Variants in SIL1 observed in about 807,000 individuals in gnomAD.
SIL1 encodes nucleotide exchange factor SIL1.
A neutral mutation model predicts 49.1 loss-of-function variants in SIL1; 40 were observed. That is an observed-to-expected ratio of 0.81 (90% CI 0.63 to 1.06). SIL1 has a LOEUF of 1.06. Ranked by LOEUF, SIL1 falls within the 50% of genes least tolerant of loss-of-function variation. The pLI, the probability that SIL1 is intolerant of heterozygous loss-of-function variation, is 0.00. For missense variants in SIL1, 500 were observed against 572.6 expected (o/e 0.87, Z 1.29); for synonymous variants, 253 against 250.8 (o/e 1.01, Z -0.08).
intron 1 of SIL1, among the ~76,000 whole-genome samples, chr5:139,184,922 A>T (rs1457889049): frequency 2.0e-5 from 3 of 152,236 alleles, no homozygotes; most frequent in African/African-American, 7.2e-5. Flanking sequence ...TAAAGTGAGG[A>T]CAGAGTAAAA....
intron 6 of SIL1, among the ~76,000 whole-genome samples, chr5:139,025,003 A>T (rs1195940480): frequency 6.6e-6 from 1 of 152,146 alleles, no homozygotes; most frequent in Non-Finnish European, 1.5e-5. Flanking sequence ...GCCAGTTCCT[A>T]TCTCGCCATA....
chr5:139,027,241 A>T (rs568469384), intron 5 of SIL1, among the ~76,000 whole-genome samples: 1 of 152,338 alleles, frequency 6.6e-6, no homozygotes, highest in African/African-American at 2.4e-5. Context: ...TTCAAGTCCG[A>T]TTTCCAATAT....
rs573094182 is a variant in SIL1 at position 139,151,933 on chromosome 5, A to G, written c.-10-24080T>C. ...AAGGCAAAGAAGTCTTTATTTCTCA[A>G]TCCTACTTTCCAAAACTTTTCCAAT... On this transcript the variant is annotated intron_variant, in intron 1 of 9. Coordinates refer to ENST00000394817, the MANE Select transcript of SIL1 (RefSeq NM_022464.5). Among the ~76,000 whole-genome samples, 83 of 152,360 alleles carry G rather than the reference A, an allele frequency of 5.4e-4. No homozygotes were observed. In the South Asian group the frequency reaches 0.014, roughly 25 times the overall value.
Position 139,183,254 on chromosome 5 carries a change from C to G in SIL1, c.-11+15015G>C, listed in dbSNP as rs183827805. On this transcript the variant is annotated intron_variant, in intron 1 of 9. Coordinates refer to ENST00000394817, the MANE Select transcript of SIL1 (RefSeq NM_022464.5). ...TCCTCAGAAATTACAAAGAAGCCTT[C>G]CCTACTCCATGCTATGTCAGCCATA... 2.9e-4 allele frequency among the ~76,000 whole-genome samples: 44 copies of G among 152,318 alleles called. No homozygotes were observed. In the East Asian group the frequency reaches 8.5e-3, roughly 29 times the overall value.
At chr5:139,169,774 C>A (rs1309969505) in intron 1 of SIL1, among the ~76,000 whole-genome samples, 1 of 151,760 alleles carries the variant, frequency 6.6e-6, no homozygotes, top group Non-Finnish European at 1.5e-5. Context: ...AGCCACCACG[C>A]CCGGCCCAAG....
chr5:138,984,929 A>G (rs1299952157), intron 7 of SIL1, among the ~76,000 whole-genome samples: 1 of 152,220 alleles, frequency 6.6e-6, no homozygotes, highest in African/African-American at 2.4e-5. Flanking sequence ...CAAAGGGGAC[A>G]CCAGCAAAAT....
chr5:139,184,946 C>T (rs560340062), intron 1 of SIL1, among the ~76,000 whole-genome samples: 4 of 152,274 alleles, frequency 2.6e-5, no homozygotes, highest in Admixed American at 6.5e-5. Flanking sequence ...GAAGAGAAGA[C>T]CACACATGGG....
intron 3 of SIL1, among the ~76,000 whole-genome samples, chr5:139,110,732 CCTGCCCTGTGCA>C (rs1176198849): frequency 1.3e-5 from 2 of 152,210 alleles, no homozygotes; most frequent in African/African-American, 4.8e-5. Context: ...CCACCCCCAC[CCTGCCCTGTGCA>C]CTGCCAGGGC....
chr5:139,115,212 C>G (rs1223500559), intron 3 of SIL1, among the ~76,000 whole-genome samples: 5 of 152,278 alleles, frequency 3.3e-5, no homozygotes, highest in Middle Eastern at 3.4e-3. Context: ...GCTTTGCCCC[C>G]CTTAGTCTCA....
intron 2 of SIL1, among the ~76,000 whole-genome samples, chr5:139,127,511 C>T (rs1750776982): frequency 6.6e-6 from 1 of 152,126 alleles, no homozygotes; most frequent in Non-Finnish European, 1.5e-5. Flanking sequence ...TTATCATCAT[C>T]ATCATATTTT....
At chr5:139,175,447 T>C (rs1751861832) in intron 1 of SIL1, among the ~76,000 whole-genome samples, 4 of 152,142 alleles carry the variant, frequency 2.6e-5, no homozygotes, top group Admixed American at 2.0e-4. Flanking sequence ...CAAATAGAAA[T>C]TCTGAACAGA....
At chr5:139,139,423 C>T (rs1327800479) in intron 1 of SIL1, among the ~76,000 whole-genome samples, 2 of 152,162 alleles carry the variant, frequency 1.3e-5, no homozygotes, top group East Asian at 3.9e-4. Flanking sequence ...GGTATGATTT[C>T]CAGTCCATAG....
chr5:138,996,351 C>A (rs1767870458), intron 7 of SIL1, among the ~76,000 whole-genome samples: 1 of 151,966 alleles, frequency 6.6e-6, no homozygotes, highest in Admixed American at 6.6e-5. Flanking sequence ...CTGTTCAGAT[C>A]TTTCGCCCAT....
intron 3 of SIL1, among the ~76,000 whole-genome samples, chr5:139,086,839 A>T (rs1770233713): frequency 6.6e-6 from 1 of 151,824 alleles, no homozygotes; most frequent in African/African-American, 2.4e-5. Flanking sequence ...ACATGCCTGT[A>T]ATCCCAGCTA....
chr5:139,013,535 A>T (rs1768331175), intron 7 of SIL1: 1 of 152,100 alleles, frequency 6.6e-6, no homozygotes, highest in Non-Finnish European at 1.5e-5. Flanking sequence ...TTAGGATTTG[A>T]GCTTTCCATT....
intron 7 of SIL1, among the ~76,000 whole-genome samples, chr5:138,999,382 G>A (rs922458793): frequency 2.5e-4 from 38 of 152,164 alleles, no homozygotes; most frequent in African/African-American, 8.9e-4. Flanking sequence ...GGCTGGAAAC[G>A]ATGGCCAAGC....
intron 5 of SIL1, among the ~76,000 whole-genome samples, chr5:139,038,781 G>A (rs1305845160): frequency 6.6e-6 from 1 of 152,194 alleles, no homozygotes; most frequent in East Asian, 1.9e-4. Context: ...GCCTGAGGGT[G>A]GAAGTTCATA....
intron 5 of SIL1, among the ~76,000 whole-genome samples, chr5:139,040,940 A>G (rs1227697148): frequency 6.6e-6 from 1 of 152,048 alleles, no homozygotes; most frequent in African/African-American, 2.4e-5. Flanking sequence ...AGCCAAACAC[A>G]CTCCCAGGGA....
At chr5:138,950,952 C>T (rs1381243351) in intron 9 of SIL1, among the ~76,000 whole-genome samples, 1 of 152,238 alleles carries the variant, frequency 6.6e-6, no homozygotes, top group African/African-American at 2.4e-5. Flanking sequence ...GGCCACCTCC[C>T]ACTCCTCATC....
Sources: allele counts gnomAD v4.1 joint callset (sites outside exome capture counted in the v4.1 genomes callset), GRCh38; gene constraint gnomAD v4.1.1; transcripts MANE v1.5; gene names NCBI Gene and HGNC (gene_info 2026-07-23, HGNC 2026-07-21).